Variants in RBM19 observed in about 807,000 individuals in gnomAD.
The protein encoded by RBM19 is RNA binding motif protein 19.
RBM19 carries 94 observed loss-of-function variants against 116.8 expected under a neutral mutation model. The ratio of observed to expected loss-of-function variants is 0.80; its 90% confidence interval spans 0.68 to 0.95. The LOEUF (loss-of-function observed/expected upper bound fraction) is 0.95. Among genes scored for constraint, RBM19 ranks in the 40% least tolerant of loss-of-function variants. RBM19 has a pLI of 0.00. For synonymous variants in RBM19, 475 were observed against 494.1 expected (o/e 0.96, Z 0.51); for missense variants, 1,161 against 1,220.7 (o/e 0.95, Z 0.73).
chr12:113,828,271 C>A (rs375197013), intron 23 of RBM19, among the ~76,000 whole-genome samples: 2 of 152,270 alleles, frequency 1.3e-5, no homozygotes, highest in East Asian at 3.9e-4. Flanking sequence ...TCTCGTTTCT[C>A]TTGAACCTGG....
At chr12:113,891,153 C>A (rs1008721431) in intron 21 of RBM19, among the ~76,000 whole-genome samples, 1 of 152,014 alleles carries the variant, frequency 6.6e-6, no homozygotes, top group South Asian at 2.1e-4. Flanking sequence ...TCCTAGCCAC[C>A]AATTTAGGAA....
At chr12:113,827,323 C>G (rs1183679019) in intron 23 of RBM19, among the ~76,000 whole-genome samples, 1 of 152,096 alleles carries the variant, frequency 6.6e-6, no homozygotes, top group Non-Finnish European at 1.5e-5. Flanking sequence ...GACAACCCCC[C>G]AGTCCTGCCC....
intron 21 of RBM19, among the ~76,000 whole-genome samples, chr12:113,894,737 A>G (rs922710647): frequency 2.6e-5 from 4 of 152,208 alleles, no homozygotes; most frequent in Admixed American, 1.3e-4. Flanking sequence ...CTACAAATCT[A>G]CTTCTCCAAA....
chr12:113,877,699 G>C (rs890185140), intron 21 of RBM19, among the ~76,000 whole-genome samples: 5 of 152,190 alleles, frequency 3.3e-5, no homozygotes, highest in African/African-American at 1.2e-4. Flanking sequence ...AAGGACAGTA[G>C]CTGCAAGAAC....
intron 11 of RBM19, 41 bp from the exon 12 acceptor site, chr12:113,946,516 C>T: frequency 1.2e-6 from 2 of 1,612,572 alleles, no homozygotes; most frequent in South Asian, 1.1e-5. Flanking sequence ...AGAAGCCTTG[C>T]CTGTAAGCCC....
intron 23 of RBM19, among the ~76,000 whole-genome samples, chr12:113,841,235 C>T (rs1324788119): frequency 2.0e-5 from 3 of 152,204 alleles, no homozygotes. Context: ...TGAGCACATG[C>T]TGTGCCAATT....
chr12:113,842,370 G>A (rs1008721446), intron 23 of RBM19, among the ~76,000 whole-genome samples: 1 of 152,258 alleles, frequency 6.6e-6, no homozygotes, highest in Non-Finnish European at 1.5e-5. Context: ...GCCGACGGGC[G>A]CATTTGGGCT....
intron 21 of RBM19, among the ~76,000 whole-genome samples, chr12:113,882,754 C>T (rs1880238708): frequency 6.6e-6 from 1 of 152,208 alleles, no homozygotes; most frequent in Non-Finnish European, 1.5e-5. Context: ...CCAAAATCTA[C>T]ATAAAAGCAT....
chr12:113,849,657 CG>C (rs1877295774), intron 22 of RBM19, among the ~76,000 whole-genome samples: 1 of 152,178 alleles, frequency 6.6e-6, no homozygotes, highest in Non-Finnish European at 1.5e-5. Flanking sequence ...CTCGAGAGAT[CG>C]CATGTCAGAC....
chr12:113,837,621 T>TA (rs1194349313), intron 23 of RBM19, among the ~76,000 whole-genome samples: 1 of 152,150 alleles, frequency 6.6e-6, no homozygotes, highest in Non-Finnish European at 1.5e-5. Flanking sequence ...ACAGAACGGG[T>TA]ATGAGGACAC....
chr12:113,870,689 G>T (rs745625836), intron 21 of RBM19, among the ~76,000 whole-genome samples: 29 of 152,186 alleles, frequency 1.9e-4, no homozygotes, highest in Non-Finnish European at 3.4e-4. Context: ...AGGGGCACAG[G>T]TGGGTAGGTA....
intron 13 of RBM19, among the ~76,000 whole-genome samples, chr12:113,944,943 T>G (rs1870897928): frequency 1.3e-5 from 2 of 152,088 alleles, no homozygotes; most frequent in South Asian, 4.1e-4. Context: ...AAAAGTATCC[T>G]TTTATAGAAG....
intron 21 of RBM19, among the ~76,000 whole-genome samples, chr12:113,876,493 A>C (rs1490170509): frequency 6.6e-6 from 1 of 152,202 alleles, no homozygotes; most frequent in Non-Finnish European, 1.5e-5. Context: ...TGAGTATTCA[A>C]GAAGAAGTAA....
intron 18 of RBM19, 90 bp downstream of exon 18, chr12:113,924,607 C>T (rs1379188391): frequency 8.5e-7 from 1 of 1,182,532 alleles, no homozygotes; most frequent in African/African-American, 1.5e-5. Flanking sequence ...GGGAGAACTA[C>T]CCCAACCCCT....
In RBM19 at chr12:113,823,042, C is replaced by A. The variant is rs561633475; in HGVS notation, c.*182G>T. The A allele has an allele frequency of 2.2e-3, 1,326 of 601,116 alleles. 8 individuals carry two copies. The highest frequency in any genetic ancestry group is 3.3e-3 in the Non-Finnish European group (1,135 of 341,376). The allele number at this position is 601,116 out of a possible 1,614,324, so 37.2% of individuals were successfully genotyped here. On this transcript the variant is annotated 3_prime_UTR_variant, in exon 24 of 24. Transcript: ENST00000261741. ...ACTGGTGAAACCCAGGATGCCTGGG[C>A]CGCTGGGCAGTGGCCTGAGGCCTTC...
At chr12:113,939,401 A>G (rs1304719070) in intron 15 of RBM19, among the ~76,000 whole-genome samples, 3 of 152,226 alleles carry the variant, frequency 2.0e-5, no homozygotes, top group Non-Finnish European at 4.4e-5. Flanking sequence ...AAAGCCAAAG[A>G]AAAGCTAGAG....
Position 113,883,988 on chromosome 12 carries a change from A to G in RBM19, c.2559-25092T>C, listed in dbSNP as rs1880333661. Among the ~76,000 whole-genome samples, 4 of 152,118 alleles carry G rather than the reference A, an allele frequency of 2.6e-5. No homozygotes were observed. In the South Asian group the frequency reaches 8.3e-4, roughly 32 times the overall value. On this transcript the variant is annotated intron_variant, in intron 21 of 23. Transcript: ENST00000261741. ...CATCTGTGTGTGTATTTAAAAATAT[A>G]TACATGTTGGGCACAGTGGCTTACG...
intron 22 of RBM19, among the ~76,000 whole-genome samples, chr12:113,857,747 T>A (rs769574384): frequency 7.2e-5 from 11 of 152,220 alleles, no homozygotes; most frequent in Non-Finnish European, 1.5e-4. Flanking sequence ...TGCCTGTGCA[T>A]GTTCCCAGGG....
intron 21 of RBM19, among the ~76,000 whole-genome samples, chr12:113,877,772 C>G (rs1372292521): frequency 6.6e-6 from 1 of 152,328 alleles, no homozygotes; most frequent in South Asian, 2.1e-4. Flanking sequence ...GTTTGGTTCT[C>G]TACTCAGTTA....
Sources: allele counts gnomAD v4.1 joint callset (sites outside exome capture counted in the v4.1 genomes callset), GRCh38; gene constraint gnomAD v4.1.1; transcripts MANE v1.5; gene names NCBI Gene and HGNC (gene_info 2026-07-23, HGNC 2026-07-21).